The following LPIN1 variants were observed in gnomAD, a reference collection of about 807,000 sequenced individuals.
LPIN1 encodes the protein lipin 1.
In LPIN1, 71 loss-of-function variants were observed where a neutral mutation model predicts 107.5. The observed-to-expected ratio is 0.66, with a 90% CI of 0.55 to 0.80. The LOEUF is 0.80. Ranked by LOEUF, LPIN1 falls within the 30% of genes least tolerant of loss-of-function variation. LPIN1 has a pLI of 0.00. For synonymous variants in LPIN1, 445 were observed against 452.6 expected, an observed-to-expected ratio of 0.98 and a Z score of 0.21; for missense variants, 1,043 against 1,160.6, an observed-to-expected ratio of 0.90 and a Z score of 1.47.
intron 12 of LPIN1, among the ~76,000 whole-genome samples, chr2:11,791,449 A>C (rs1675705567): frequency 6.6e-6 from 1 of 152,234 alleles, no homozygotes; most frequent in Non-Finnish European, 1.5e-5. Flanking sequence ...AAATGTTTAG[A>C]AATTTACCCT....
intron 1 of LPIN1, among the ~76,000 whole-genome samples, chr2:11,754,709 A>G (rs569765072): frequency 3.9e-5 from 6 of 152,286 alleles, no homozygotes; most frequent in African/African-American, 1.4e-4. Flanking sequence ...TGTGTTGACC[A>G]CTGAGGATGA....
At position 11,825,516 on chromosome 2, in the gene LPIN1, T is replaced by C. The variant is rs1201548910; in HGVS notation, c.*725T>C. On this transcript the variant is annotated 3_prime_UTR_variant, in exon 21 of 21. Coordinates refer to ENST00000674199, the MANE Select transcript of LPIN1 (RefSeq NM_001349206.2). This position sits in a 1 kb window ranked among gnomAD's most constrained non-coding sequence, Gnocchi z 4.1. ...TGGAATATTTATGCCTTAATATATC[T>C]ATGGCAGACATTTAAGAATGCGCTT... The C allele has an allele frequency of 6.5e-6, 1 of 152,750 alleles. No individual in the cohort carries two copies. Among genetic ancestry groups the C allele is most frequent in the African/African-American group, 2.4e-5 (1 of 41,458 alleles). 9.5% of individuals were successfully genotyped at this position (152,750 alleles called of 1,614,324 possible). A position where few individuals can be genotyped will look rare whatever the true frequency, so the allele number is the denominator to read the frequency against.
chr2:11,680,207 G>C (rs1280370144), intron 1 of LPIN1, among the ~76,000 whole-genome samples: 1 of 151,862 alleles, frequency 6.6e-6, no homozygotes, highest in Non-Finnish European at 1.5e-5. Flanking sequence ...CTGGCTTCTG[G>C]GAAGCGTAAA....
intron 1 of LPIN1, chr2:11,713,641 T>A: frequency 1.6e-6 from 1 of 620,190 alleles, no homozygotes; most frequent in Non-Finnish European, 2.8e-6. Context: ...ATTCACCATG[T>A]TCAAAATGTA....
intron 1 of LPIN1, among the ~76,000 whole-genome samples, chr2:11,738,749 G>C (rs1666042697): frequency 6.6e-6 from 1 of 152,212 alleles, no homozygotes; most frequent in Non-Finnish European, 1.5e-5. Flanking sequence ...GGGAGGCCAA[G>C]GGAGCTAGAA....
chr2:11,803,162 C>G lies in LPIN1; in HGVS notation c.2013+129C>G. 2 of 1,261,878 alleles carry G rather than the reference C, an allele frequency of 1.6e-6. No individual in the cohort carries two copies. Among genetic ancestry groups the G allele is most frequent in the Non-Finnish European group, 2.3e-6 (2 of 877,114 alleles). 78.2% of individuals were successfully genotyped at this position (1,261,878 alleles called of 1,614,324 possible). On this transcript the variant is annotated intron_variant, in intron 15 of 20. Coordinates refer to ENST00000674199, the MANE Select transcript of LPIN1 (RefSeq NM_001349206.2). The surrounding 1 kb of genome is among the most constrained non-coding windows in gnomAD (Gnocchi z 4.2). ...TCATCCCAGGGGGCCTGCAATCCCT[C>G]AACTGGGTACCCGCTGTTTCCACCC...
Position 11,795,436 on chromosome 2 carries a change from G to T in LPIN1, c.1835G>T (p.Gly612Val), listed in dbSNP as rs752141167. ...AGTAAGCCAGAGCAGTGCTTGGCTG[G>T]CAAGGCCCATAGCACCGGAGAGCAA... ...EESKPEQCLA[G>V]KAHSTGEQPP... The change falls in exon 14 of 21, where the codon GGC becomes GTC. Residue 612 changes from glycine (G) to valine (V), a missense_variant. Gly to Val is a moderately radical substitution (Grantham distance 109). Transcript: ENST00000674199. 2 of 1,614,058 alleles carry T rather than the reference G, an allele frequency of 1.2e-6. No homozygotes were observed. The highest frequency in any genetic ancestry group is 2.2e-5 in the South Asian group (2 of 91,088).
At chr2:11,800,072 A>G (rs1322198989) in intron 14 of LPIN1, among the ~76,000 whole-genome samples, 2 of 152,074 alleles carry the variant, frequency 1.3e-5, no homozygotes, top group South Asian at 2.1e-4. Flanking sequence ...TGTCCCAGTG[A>G]TCTCTAAATC....
intron 20 of LPIN1, chr2:11,823,036 G>A (rs935237251): frequency 3.9e-5 from 6 of 152,194 alleles, no homozygotes; most frequent in Admixed American, 6.5e-5. Context: ...TTTCTCTGGC[G>A]CTGAACTTGG....
intron 1 of LPIN1, among the ~76,000 whole-genome samples, chr2:11,688,122 C>T (rs1242010604): frequency 3.3e-5 from 5 of 152,210 alleles, no homozygotes; most frequent in African/African-American, 4.8e-5. Context: ...CACTCTCCGA[C>T]GCGGAATTCT....
At chr2:11,691,304 C>T (rs1662260204) in intron 1 of LPIN1, among the ~76,000 whole-genome samples, 1 of 152,180 alleles carries the variant, frequency 6.6e-6, no homozygotes, top group Admixed American at 6.5e-5. Flanking sequence ...CTGAATGAAG[C>T]AGCCTTTGGT....
Position 11,724,734 on chromosome 2 carries a change from C to G in LPIN1, c.-72+195C>G, listed in dbSNP as rs375306080. On this transcript the variant is annotated intron_variant, in intron 1 of 21. Transcript: ENST00000396097. ...TGTGTCCCCCATCGGGCTTCTCAGG[C>G]CCTGGCTTGCTGAAGGGGGCAGTGA... is the stretch of plus-strand genomic sequence containing the variant. 4 of 722,348 alleles carry G rather than the reference C, an allele frequency of 5.5e-6. No individual in the cohort carries two copies. In the East Asian group the frequency reaches 5.2e-4, roughly 95 times the overall value. 44.7% of individuals were successfully genotyped at this position (722,348 alleles called of 1,614,324 possible).
In LPIN1 at chr2:11,746,821, C is replaced by T. The variant is rs1667015930; in HGVS notation, c.-10+150C>T. On this transcript the variant is annotated intron_variant, in intron 1 of 20. Coordinates refer to ENST00000674199, the MANE Select transcript of LPIN1 (RefSeq NM_001349206.2). ...CCGAGGACCGACGGCCGGGCTACGTCCCCGGGGCCCTCTACGGGAAGTGGT... is the reference window on the plus strand; with the variant it reads ...CCGAGGACCGACGGCCGGGCTACGTTCCCGGGGCCCTCTACGGGAAGTGGT... 3 of 193,694 alleles carry T rather than the reference C, an allele frequency of 1.5e-5. No individual in the cohort carries two copies. In the Admixed American group the frequency reaches 2.0e-4, roughly 13 times the overall value. 12.0% of individuals were successfully genotyped at this position (193,694 alleles called of 1,614,324 possible). A position where few individuals can be genotyped will look rare whatever the true frequency, so the allele number is the denominator to read the frequency against.
At chr2:11,677,587 C>T (rs965227814), upstream of LPIN1, 37 of 1,279,080 alleles carry the variant, frequency 2.9e-5, no homozygotes, top group African/African-American at 4.4e-5. Context: ...CCGGTGTTGC[C>T]GGGGGACATT....
chr2:11,759,764 G>A (rs1669361994), intron 1 of LPIN1, among the ~76,000 whole-genome samples: 1 of 151,990 alleles, frequency 6.6e-6, no homozygotes, highest in African/African-American at 2.4e-5. Context: ...CGGCTGGGCA[G>A]AGGCGCCCCC....
At chr2:11,693,806 A>G (rs1476778215) in intron 1 of LPIN1, among the ~76,000 whole-genome samples, 4 of 24,288 alleles carry the variant, frequency 1.6e-4, no homozygotes, top group East Asian at 1.7e-3. Context: ...ATATATATAT[A>G]TATATATATA....
rs1162490414 is a variant in LPIN1, at chr2:11,825,170, G to C, written c.*379G>C. ...CTGAGGGCTGTCCCCGCCTAGGACA[G>C]GGTCAATCGAGGAATGCCAGATGTG... On this transcript the variant is annotated 3_prime_UTR_variant, in exon 21 of 21. Transcript: ENST00000674199. This position sits in a 1 kb window ranked among gnomAD's most constrained non-coding sequence, Gnocchi z 4.1. 3 of 301,360 alleles carry C rather than the reference G, an allele frequency of 1.0e-5. No homozygotes were observed. The highest frequency in any genetic ancestry group is 1.9e-5 in the Non-Finnish European group (3 of 155,108). The allele number at this position is 301,360 out of a possible 1,614,324, so 18.7% of individuals were successfully genotyped here.
At chr2:11,814,511 C>CGTGT (rs1558297645) in intron 17 of LPIN1, among the ~76,000 whole-genome samples, 97 of 94,934 alleles carry the variant, frequency 1.0e-3, no homozygotes, top group Non-Finnish European at 1.6e-3. Context: ...GGTGTGTGTG[C>CGTGT]ATGTGTGTGT....
At chr2:11,743,369 C>A (rs1019856375), upstream of LPIN1, among the ~76,000 whole-genome samples, 2 of 152,300 alleles carry the variant, frequency 1.3e-5, no homozygotes, top group South Asian at 4.2e-4. The surrounding 1 kb of genome is among the most constrained non-coding windows in gnomAD (Gnocchi z 4.7). Context: ...CCTCTCCCTG[C>A]GGAACCCAGA....
Sources: gnomAD v4.1 joint callset for allele counts (sites outside exome capture counted in the v4.1 genomes callset) on GRCh38, gnomAD v4.1.1 for gene constraint, Gnocchi (gnomAD v3.1) non-coding constraint, MANE v1.5 for transcripts, NCBI Gene and HGNC (gene_info 2026-07-23, HGNC 2026-07-21) for gene names.